Variants in PLXNA2 observed in about 807,000 individuals in gnomAD.
PLXNA2 encodes the protein plexin-A2.
PLXNA2 carries 91 observed loss-of-function variants against 193.5 expected under a neutral mutation model. The observed-to-expected ratio is 0.47, with a 90% CI of 0.40 to 0.56. The LOEUF (loss-of-function observed/expected upper bound fraction) is 0.56, where lower values mean the gene tolerates loss of function less well. Among genes scored for constraint, PLXNA2 ranks in the 20% least tolerant of loss-of-function variants. The probability of loss-of-function intolerance (pLI) is 0.00; values close to 1 mark genes in which losing one functional copy is unlikely to be tolerated. For missense variants in PLXNA2, 1,995 were observed against 2,503.2 expected, an observed-to-expected ratio of 0.80 and a Z score of 4.33; for synonymous variants, 997 against 1,027.3, an observed-to-expected ratio of 0.97 and a Z score of 0.56.
intron 3 of PLXNA2, among the ~76,000 whole-genome samples, chr1:208,173,231 A>G (rs1669549562): frequency 6.6e-6 from 1 of 152,186 alleles, no homozygotes; most frequent in African/African-American, 2.4e-5. Context: ...AGAAAACATT[A>G]TGTGTGTTTA....
intron 3 of PLXNA2, among the ~76,000 whole-genome samples, chr1:208,209,705 G>A (rs1221799484): frequency 6.6e-6 from 1 of 152,160 alleles, no homozygotes; most frequent in East Asian, 1.9e-4. Flanking sequence ...CTTACATCTG[G>A]GTGGGGAGCT....
chr1:208,197,022 A>G (rs1670382941), intron 3 of PLXNA2, among the ~76,000 whole-genome samples: 1 of 152,218 alleles, frequency 6.6e-6, no homozygotes, highest in African/African-American at 2.4e-5. Flanking sequence ...AGGTATTATT[A>G]TGACCTTTTT....
chr1:208,240,713 TA>T (rs1354497003), intron 1 of PLXNA2, among the ~76,000 whole-genome samples: 3 of 139,528 alleles, frequency 2.2e-5, no homozygotes, highest in Non-Finnish European at 4.5e-5. Flanking sequence ...GAATTATTTC[TA>T]GTTAACAGAC....
chr1:208,175,526 T>C (rs1047658589), intron 3 of PLXNA2, among the ~76,000 whole-genome samples: 8 of 151,890 alleles, frequency 5.3e-5, no homozygotes, highest in African/African-American at 1.9e-4. Flanking sequence ...GAATGTAAAA[T>C]GGCCTCCAAA....
rs577800321 is a variant in PLXNA2, at chr1:208,236,982, C to T, written c.-81+6661G>A. Among the ~76,000 whole-genome samples the T allele has an allele frequency of 7.9e-5, 12 of 152,352 alleles. No homozygotes were observed. The highest frequency in any genetic ancestry group is 1.6e-4 in the Non-Finnish European group (11 of 68,030). On this transcript the variant is annotated intron_variant, in intron 1 of 31. Transcript: ENST00000367033. The surrounding 1 kb of genome is among the most constrained non-coding windows in gnomAD (Gnocchi z 4.4). Reference sequence around the variant, plus strand: ...GGCTCCCCCAGCCTCAGACGAGGTGCAGGGAGAGCATGACCTTCCTTTATA... The same window carrying T: ...GGCTCCCCCAGCCTCAGACGAGGTGTAGGGAGAGCATGACCTTCCTTTATA...
At position 208,033,335 on chromosome 1, in the gene PLXNA2, C is replaced by T. The variant is rs1664564307; in HGVS notation, c.5039G>A (p.Arg1680Gln). 9 of 1,612,972 alleles carry T rather than the reference C, an allele frequency of 5.6e-6. No individual in the cohort carries two copies. Among genetic ancestry groups the T allele is most frequent in the Non-Finnish European group, 7.6e-6 (9 of 1,179,232 alleles). The change falls in exon 28 of 32, where the codon CGG becomes CAG. Residue 1680 changes from arginine to glutamine, a missense_variant. By Grantham distance (43) the Arg-to-Gln change is conservative. Transcript: ENST00000367033. ...GGGAGTTACCTTGGTGGCCAGTAGC[C>T]GGGTCAGGTAGATCTCGGACACCAT... ...SKMVSEIYLT[R>Q]LLATKGTLQK...
chr1:208,046,216 G>C, intron 17 of PLXNA2, 99 bp from the exon 18 acceptor site: 1 of 1,401,532 alleles, frequency 7.1e-7, no homozygotes, highest in Non-Finnish European at 9.5e-7. Flanking sequence ...TTTGTGCCTC[G>C]TCACTGGGTT....
In PLXNA2 at chr1:208,168,723, G is replaced by GTTTTTTTTTTTTTTTTTTTTT. The variant is rs751893998; in HGVS notation, c.1372-26261_1372-26260insAAAAAAAAAAAAAAAAAAAAA. 4.4e-4 allele frequency among the ~76,000 whole-genome samples: 45 copies of GTTTTTTTTTTTTTTTTTTTTT among 102,232 alleles called. 14 individuals carry two copies. The highest frequency in any genetic ancestry group is 1.6e-3 in the East Asian group (4 of 2,486). 67.1% of individuals were successfully genotyped at this position (102,232 alleles called of 152,430 possible). A position where few individuals can be genotyped will look rare whatever the true frequency, so the allele number is the denominator to read the frequency against. On this transcript the variant is annotated intron_variant, in intron 3 of 31. Transcript: ENST00000367033. ...CAAAAAGAAGACAAAGAGTATGCGGGGTTTTTTTTTTTTTTTTTTTTTTTT... is the reference window on the plus strand; with the variant it reads ...CAAAAAGAAGACAAAGAGTATGCGGGTTTTTTTTTTTTTTTTTTTTTGTTTTTTTTTTTTTTTTTTTTTTTT...
intron 3 of PLXNA2, among the ~76,000 whole-genome samples, chr1:208,197,433 C>A (rs1037744504): frequency 1.3e-5 from 2 of 152,218 alleles, no homozygotes; most frequent in African/African-American, 2.4e-5. Flanking sequence ...CGGGTTTCCC[C>A]GTGACTAAAT....
chr1:208,162,558 G>A (rs532644749), intron 3 of PLXNA2, among the ~76,000 whole-genome samples: 1 of 152,290 alleles, frequency 6.6e-6, no homozygotes, highest in East Asian at 1.9e-4. Context: ...AATCTTTTTA[G>A]GGGAGTACAA....
At chr1:208,182,619 T>G (rs1669880106) in intron 3 of PLXNA2, among the ~76,000 whole-genome samples, 1 of 151,970 alleles carries the variant, frequency 6.6e-6, no homozygotes. Context: ...CTCCTCATTT[T>G]GCAGATAGGA....
At chr1:208,231,999 G>A (rs1022254610) in intron 1 of PLXNA2, among the ~76,000 whole-genome samples, 2 of 152,234 alleles carry the variant, frequency 1.3e-5, no homozygotes, top group Non-Finnish European at 2.9e-5. Flanking sequence ...TGGGGTCTAA[G>A]GAGCTGTGAC....
intron 4 of PLXNA2, among the ~76,000 whole-genome samples, chr1:208,132,790 T>G (rs1416550190): frequency 2.0e-5 from 3 of 152,202 alleles, no homozygotes; most frequent in African/African-American, 7.2e-5. Flanking sequence ...AGTAGGTTCC[T>G]GGTACTTTTC....
rs142664681 is a variant in PLXNA2 at position 208,181,344 on chromosome 1, AG to A, written c.1371+28935del. The stretch of plus-strand genomic sequence containing the variant: ...CTGTCTGTTCTCTGGTCTTTCCTTC[AG>A]GGGGCCAGACCCTGAGGGGTGCAGC... On this transcript the variant is annotated intron_variant, in intron 3 of 31. Transcript: ENST00000367033. 2.6e-5 allele frequency among the ~76,000 whole-genome samples: 4 copies of A among 152,266 alleles called. No individual in the cohort carries two copies. The East Asian group carries it at 7.7e-4, about 29-fold the overall frequency.
At chr1:208,238,555 C>T (rs771184373) in intron 1 of PLXNA2, among the ~76,000 whole-genome samples, 16 of 152,146 alleles carry the variant, frequency 1.1e-4, no homozygotes, top group Admixed American at 2.0e-4. Context: ...CCCTGTTAGG[C>T]AGTTATTATC....
chr1:208,227,085 A>G (rs1190158652), intron 1 of PLXNA2, among the ~76,000 whole-genome samples: 2 of 152,220 alleles, frequency 1.3e-5, no homozygotes, highest in Non-Finnish European at 2.9e-5. Context: ...GGACAAAAAA[A>G]GGAATTCTCA....
Position 208,028,838 on chromosome 1 carries a change from C to G in PLXNA2, c.5430G>C (p.Trp1810Cys). Reference protein sequence around the residue: ...YAKDIPSYKSWVERYYADIAK... With the variant: ...YAKDIPSYKSCVERYYADIAK... The stretch of plus-strand genomic sequence containing the variant: ...CTGAGGGTGCTACTGACCTCTCCAC[C>G]CAGCTCTTGTAGCTGGGGATGTCCT... The change falls in exon 30 of 32, where the codon TGG becomes TGC. Residue 1810 changes from tryptophan to cysteine, a missense_variant. By Grantham distance (215) the Trp-to-Cys change is radical. Around this residue, in one of 3 missense-constraint regions of PLXNA2, gnomAD observed 1,291 missense variants for 1,673.6 expected, o/e 0.77. Transcript: ENST00000367033. The surrounding 1 kb of genome is among the most constrained non-coding windows in gnomAD (Gnocchi z 4.2). The G allele has an allele frequency of 6.2e-7, 1 of 1,613,830 alleles. No homozygotes were observed.
At chr1:208,067,566 G>A (rs369958312) in intron 12 of PLXNA2, among the ~76,000 whole-genome samples, 11 of 151,970 alleles carry the variant, frequency 7.2e-5, no homozygotes, top group African/African-American at 1.9e-4. Flanking sequence ...CCTATATGGC[G>A]TACCATTTTT....
At position 208,082,432 on chromosome 1, in the gene PLXNA2, T is replaced by C. The variant is rs1350215628; in HGVS notation, c.2375A>G (p.Asp792Gly). Residue 792 changes from aspartate to glycine, a missense_variant, in exon 11 of 32, where the codon GAC (aspartate) becomes GGC (glycine). By Grantham distance (94) the Asp-to-Gly change is moderately conservative. Coordinates refer to ENST00000367033, the MANE Select transcript of PLXNA2 (RefSeq NM_025179.4). The surrounding 1 kb of genome is among the most constrained non-coding windows in gnomAD (Gnocchi z 4.2). ...CTTACCTTTCAGGTCCTGAGGGTTG[T>C]CAATGATGAAATTGCCGTTCCACAC... ...AVVWNGNFII[D>G]NPQDLKVHLY... The C allele has an allele frequency of 1.2e-6, 2 of 1,614,092 alleles. No homozygotes were observed. Among genetic ancestry groups the C allele is most frequent in the Admixed American group, 1.7e-5 (1 of 60,016 alleles).
Sources: allele counts gnomAD v4.1 joint callset (sites outside exome capture counted in the v4.1 genomes callset), GRCh38; gene constraint gnomAD v4.1.1; regional missense constraint gnomAD v4.1.1; non-coding constraint Gnocchi (gnomAD v3.1); transcripts MANE v1.5; gene names NCBI Gene and HGNC (gene_info 2026-07-23, HGNC 2026-07-21).